ZNF331: variants seen among roughly 807,000 people sequenced by gnomAD.
ZNF331 encodes the protein zinc finger protein 331.
Under a neutral mutation model 7.0 loss-of-function variants are expected in ZNF331, and 2 were observed. That is an observed-to-expected ratio of 0.29 (90% CI 0.12 to 0.90). The LOEUF is 0.90. ZNF331 is among the 40% of genes least tolerant of loss of function. The probability of loss-of-function intolerance (pLI) is 0.58; values close to 1 mark genes in which losing one functional copy is unlikely to be tolerated. For synonymous variants in ZNF331, 196 were observed against 205.4 expected (o/e 0.95, Z 0.39); for missense variants, 432 against 587.7 (o/e 0.74, Z 2.74).
intron 3 of ZNF331, among the ~76,000 whole-genome samples, chr19:53,566,237 T>C (rs1187405580): frequency 6.6e-6 from 1 of 152,174 alleles, no homozygotes; most frequent in Non-Finnish European, 1.5e-5. Context: ...TGACAACACC[T>C]GTTCCATGTT....
chr19:53,556,828 C>T (rs867564850), intron 3 of ZNF331, among the ~76,000 whole-genome samples: 6 of 151,702 alleles, frequency 4.0e-5, no homozygotes, highest in African/African-American at 1.2e-4. Context: ...TATTTTGAGA[C>T]GGGGTCTCGC....
rs1177487372 is a variant in ZNF331, at chr19:53,578,386, TAAAAA to T, written c.*436_*440del. The T allele has an allele frequency of 1.7e-5, 4 of 235,718 alleles. No individual in the cohort carries two copies. Among genetic ancestry groups the T allele is most frequent in the Middle Eastern group, 1.2e-3 (1 of 804 alleles). The allele number at this position is 235,718 out of a possible 1,614,324, so 14.6% of individuals were successfully genotyped here. On this transcript the variant is annotated 3_prime_UTR_variant, in exon 6 of 6. Transcript: ENST00000449416. ...AATGAAAAGGTGAAAGTTCTCAACT[TAAAAA>T]AGAAAAGAAAAAAATCATATACTGA...
At chr19:53,519,842 G>C (rs1300509311), upstream of ZNF331, among the ~76,000 whole-genome samples, 1 of 152,074 alleles carries the variant, frequency 6.6e-6, no homozygotes, top group African/African-American at 2.4e-5. Context: ...ACTGGGGGGT[G>C]GGGGAAAGGG....
At chr19:53,557,057 C>A (rs1403553203) in intron 3 of ZNF331, among the ~76,000 whole-genome samples, 1 of 143,686 alleles carries the variant, frequency 7.0e-6, no homozygotes, top group Admixed American at 7.2e-5. Flanking sequence ...TGAGCTCAAG[C>A]AATCTGCTGC....
At chr19:53,553,352 T>C (rs1390381374) in intron 2 of ZNF331, among the ~76,000 whole-genome samples, 1 of 151,910 alleles carries the variant, frequency 6.6e-6, no homozygotes, top group East Asian at 1.9e-4. Flanking sequence ...GATGATGTCA[T>C]TGTGAATGTC....
At chr19:53,532,695 T>G (rs73049581) in intron 2 of ZNF331, among the ~76,000 whole-genome samples, 11,029 of 152,256 alleles carry the variant, frequency 0.072, 527 homozygotes, top group Non-Finnish European at 0.11. Flanking sequence ...GTTCAATCTT[T>G]TTACTCATTA....
intron 2 of ZNF331, among the ~76,000 whole-genome samples, chr19:53,524,838 C>A (rs2147239285): frequency 6.6e-6 from 1 of 152,202 alleles, no homozygotes; most frequent in Non-Finnish European, 1.5e-5. Flanking sequence ...AAGTCCTTGC[C>A]CATGCCTGTG....
upstream of ZNF331, chr19:53,538,011 G>C (rs972908439): frequency 2.0e-5 from 3 of 152,212 alleles, no homozygotes; most frequent in African/African-American, 7.2e-5. Flanking sequence ...TCGGGGTCTG[G>C]GTACGTGCAC....
chr19:53,523,079 A>C (rs1177447412), intron 2 of ZNF331, among the ~76,000 whole-genome samples: 4 of 104,400 alleles, frequency 3.8e-5, no homozygotes, highest in African/African-American at 2.0e-4. Context: ...AATTGTATTT[A>C]TTGTGTATAT....
the ZNF331 span, among the ~76,000 whole-genome samples, chr19:53,505,261 T>C: frequency 0.17 from 25,346 of 152,024 alleles, 2,435 homozygotes; most frequent in East Asian, 0.31. Flanking sequence ...GAGGAAGACA[T>C]TGAAACTCCG....
In ZNF331 at chr19:53,571,446, C is replaced by T. The variant is rs1381962186; in HGVS notation, c.10-158C>T. Among the ~76,000 whole-genome samples the T allele has an allele frequency of 1.3e-5, 2 of 152,142 alleles. No homozygotes were observed. Among genetic ancestry groups the T allele is most frequent in the South Asian group, 2.1e-4 (1 of 4,828 alleles). ...CAGTGACATGCAGGCATTCTGCTTC[C>T]GTCACAGTTACAGTGATGTCCTTAC... On this transcript the variant is annotated intron_variant, in intron 4 of 5. Transcript: ENST00000449416. The surrounding 1 kb of genome is among the most constrained non-coding windows in gnomAD (Gnocchi z 4.7).
chr19:53,503,846 A>C, the ZNF331 span: 12 of 692,124 alleles, frequency 1.7e-5, no homozygotes, highest in Non-Finnish European at 2.1e-5. Context: ...CGGCAAGTGG[A>C]GCAACAAAAA....
In ZNF331 at chr19:53,577,707, T is replaced by C; in HGVS notation, c.1147T>C (p.Tyr383His). The change falls in exon 6 of 6, where the codon TAT becomes CAT. Residue 383 changes from tyrosine (Y) to histidine (H), a missense_variant. This residue lies in a region of ZNF331 where 312 missense variants were observed against 448.6 expected (regional missense o/e 0.70). Coordinates refer to ENST00000449416, the MANE Select transcript of ZNF331 (RefSeq NM_001079906.2). ...GAGAATCCACACAGGCGAAACCCCG[T>C]ATAAATGTAAGGAGTGTGGGAAGGC... ...HERIHTGETPYKCKECGKAFI... is the reference protein window; with the variant it reads ...HERIHTGETPHKCKECGKAFI... 6.2e-7 allele frequency: 1 copy of C among 1,613,912 alleles called. No individual in the cohort carries two copies. Among genetic ancestry groups the C allele is most frequent in the Non-Finnish European group, 8.5e-7 (1 of 1,179,970 alleles).
intron 2 of ZNF331, among the ~76,000 whole-genome samples, chr19:53,555,070 C>G (rs767890792): frequency 4.3e-4 from 65 of 152,280 alleles, no homozygotes; most frequent in Admixed American, 1.8e-3. Flanking sequence ...GCCATCAGTG[C>G]AGGCTTGTGC....
intron 2 of ZNF331, among the ~76,000 whole-genome samples, chr19:53,527,660 T>C (rs1385748334): frequency 6.6e-6 from 1 of 152,224 alleles, no homozygotes; most frequent in African/African-American, 2.4e-5. Context: ...TAATTGATCA[T>C]GTAGATGAGT....
At chr19:53,523,220 A>G (rs964166693) in intron 2 of ZNF331, 2 of 151,508 alleles carry the variant, frequency 1.3e-5, no homozygotes, top group East Asian at 1.9e-4. Flanking sequence ...CAAATATACT[A>G]TATTTTTTTT....
At chr19:53,569,466 T>C in intron 4 of ZNF331, 81 bp downstream of exon 4, 1 of 1,506,556 alleles carries the variant, frequency 6.6e-7, no homozygotes, top group East Asian at 2.3e-5. Flanking sequence ...TGAAGCCTTT[T>C]ATCTAGTCAA....
At chr19:53,528,942 G>A (rs904639503) in intron 2 of ZNF331, among the ~76,000 whole-genome samples, 1 of 141,866 alleles carries the variant, frequency 7.0e-6, no homozygotes, top group Non-Finnish European at 1.5e-5. Flanking sequence ...CTGTCCCCAC[G>A]CCTGGATGAT....
the ZNF331 span, among the ~76,000 whole-genome samples, chr19:53,510,349 G>A: frequency 6.6e-6 from 1 of 152,106 alleles, no homozygotes; most frequent in South Asian, 2.1e-4. Context: ...GGGAACTCGG[G>A]GTAGGAGTGG....
Sources: allele counts gnomAD v4.1 joint callset (sites outside exome capture counted in the v4.1 genomes callset), GRCh38; gene constraint gnomAD v4.1.1; regional missense constraint gnomAD v4.1.1; non-coding constraint Gnocchi (gnomAD v3.1); transcripts MANE v1.5; gene names NCBI Gene and HGNC (gene_info 2026-07-23, HGNC 2026-07-21).